Variants in AFF3 observed in about 807,000 individuals in gnomAD.
The protein encoded by AFF3 is ALF transcription elongation factor 3, also known as AF4/FMR2 family member 3.
Under a neutral mutation model 129.7 loss-of-function variants are expected in AFF3, and 32 were observed. That is an observed-to-expected ratio of 0.25 (90% CI 0.19 to 0.33). The LOEUF is 0.33. Among genes scored for constraint, AFF3 ranks in the 10% least tolerant of loss-of-function variants. The probability of loss-of-function intolerance (pLI) is 1.00; values close to 1 mark genes in which losing one functional copy is unlikely to be tolerated. For synonymous variants in AFF3, 644 were observed against 635.4 expected, an observed-to-expected ratio of 1.01 and a Z score of -0.20; for missense variants, 1,373 against 1,592.0, an observed-to-expected ratio of 0.86 and a Z score of 2.34.
At chr2:99,993,011 T>C (rs1210289925) in intron 7 of AFF3, among the ~76,000 whole-genome samples, 1 of 152,218 alleles carries the variant, frequency 6.6e-6, no homozygotes, top group African/African-American at 2.4e-5. Flanking sequence ...CTGTTCCTTC[T>C]TCCTGATGGC....
chr2:100,061,502 T>C (rs1005371495), intron 4 of AFF3, among the ~76,000 whole-genome samples: 1 of 151,990 alleles, frequency 6.6e-6, no homozygotes, highest in Non-Finnish European at 1.5e-5. Flanking sequence ...AAGAGGGAAG[T>C]CCATTCCATT....
chr2:99,665,185 C>T (rs956404554), intron 12 of AFF3, among the ~76,000 whole-genome samples: 7 of 152,168 alleles, frequency 4.6e-5, no homozygotes, highest in East Asian at 1.9e-4. Flanking sequence ...AATTTGATCC[C>T]GGGTGGGATG....
chr2:99,752,207 A>G lies in AFF3; in HGVS notation c.1002+14T>C, dbSNP rs201157880. 1,185 of 1,599,452 alleles carry G rather than the reference A, an allele frequency of 7.4e-4. 4 individuals carry two copies. Among genetic ancestry groups the G allele is most frequent in the South Asian group, 2.9e-3 (267 of 90,780 alleles). On this transcript the variant is annotated intron_variant, in intron 9 of 24. Coordinates refer to ENST00000672756, the MANE Select transcript of AFF3 (RefSeq NM_001386135.1). Reference sequence around the variant, plus strand: ...GAGTGAAACATATTCCTCCTGAGGGATGCAAGATCTCACCTTATTTGGAAA... The same window carrying G: ...GAGTGAAACATATTCCTCCTGAGGGGTGCAAGATCTCACCTTATTTGGAAA...
At chr2:100,024,726 T>C (rs1683899698) in intron 4 of AFF3, among the ~76,000 whole-genome samples, 1 of 152,108 alleles carries the variant, frequency 6.6e-6, no homozygotes, top group Non-Finnish European at 1.5e-5. Context: ...TAGAAGACTG[T>C]AGACATTGCA....
intron 8 of AFF3, among the ~76,000 whole-genome samples, chr2:99,774,918 T>C (rs1464623490): frequency 6.6e-6 from 1 of 151,986 alleles, no homozygotes; most frequent in Non-Finnish European, 1.5e-5. Flanking sequence ...AACCGCTCCA[T>C]GAAAAAGTAG....
At chr2:100,024,241 A>G (rs369834689) in intron 4 of AFF3, among the ~76,000 whole-genome samples, 13,234 of 143,396 alleles carry the variant, frequency 0.092, 644 homozygotes, top group Non-Finnish European at 0.13. Flanking sequence ...CAAAAAAAAA[A>G]AAAAAAAAAA....
intron 18 of AFF3, among the ~76,000 whole-genome samples, chr2:99,577,133 G>A (rs1030136435): frequency 6.6e-6 from 1 of 152,202 alleles, no homozygotes; most frequent in Non-Finnish European, 1.5e-5. Flanking sequence ...AACAAATGTG[G>A]ATTTGGCTTT....
chr2:100,122,068 C>CA (rs1280847349), intron 2 of AFF3, among the ~76,000 whole-genome samples: 2 of 152,068 alleles, frequency 1.3e-5, no homozygotes, highest in Non-Finnish European at 1.5e-5. Context: ...GACTCCGTCT[C>CA]AAAAAAATAA....
chr2:100,028,965 C>A (rs991498808), intron 4 of AFF3, among the ~76,000 whole-genome samples: 1 of 152,086 alleles, frequency 6.6e-6, no homozygotes, highest in Non-Finnish European at 1.5e-5. Flanking sequence ...TATCTACACC[C>A]CCACGTCCAC....
intron 8 of AFF3, among the ~76,000 whole-genome samples, chr2:99,772,030 G>C (rs1210069652): frequency 6.6e-6 from 1 of 152,140 alleles, no homozygotes; most frequent in African/African-American, 2.4e-5. Context: ...ATCGACATGC[G>C]GTATTCCTGC....
In AFF3 at chr2:99,550,792, T is replaced by C. The variant is rs924827301; in HGVS notation, c.*682A>G. ...GAAGGGCTGTGAGTGTCCATCTGTT[T>C]GCCTGGAATGCATTTAGTTGATAAT... On this transcript the variant is annotated 3_prime_UTR_variant, in exon 25 of 25. Transcript: ENST00000672756. The C allele has an allele frequency of 4.3e-6, 1 of 233,966 alleles. No homozygotes were observed. The highest frequency in any genetic ancestry group is 2.2e-5 in the African/African-American group (1 of 45,368). 14.5% of individuals were successfully genotyped at this position (233,966 alleles called of 1,614,324 possible).
intron 4 of AFF3, among the ~76,000 whole-genome samples, chr2:100,083,594 G>A (rs569912394): frequency 1.2e-3 from 188 of 152,252 alleles, no homozygotes; most frequent in Non-Finnish European, 1.7e-3. Context: ...CCACCTCAGC[G>A]CCTGCTCATA....
At chr2:99,878,200 A>T (rs1226687451) in intron 7 of AFF3, among the ~76,000 whole-genome samples, 2 of 152,236 alleles carry the variant, frequency 1.3e-5, no homozygotes, top group Non-Finnish European at 2.9e-5. Flanking sequence ...TCTCTAGGTC[A>T]TCCGTGAGCT....
At chr2:100,114,618 G>T (rs1691657543) in intron 2 of AFF3, among the ~76,000 whole-genome samples, 1 of 152,162 alleles carries the variant, frequency 6.6e-6, no homozygotes, top group Non-Finnish European at 1.5e-5. Flanking sequence ...CTGACCTCAA[G>T]TGATCCACCC....
At chr2:100,037,954 A>G (rs1039920453) in intron 4 of AFF3, among the ~76,000 whole-genome samples, 3 of 150,494 alleles carry the variant, frequency 2.0e-5, no homozygotes, top group Non-Finnish European at 4.4e-5. Context: ...TGTGTTTTTA[A>G]TTTTGTTTTG....
rs189026986 is a variant in AFF3, at chr2:99,578,940, T to A, written c.2794-489A>T. ...TGGGGACCTAGAATCTGCCTTTCCA[T>A]CTGGTTCCCGGTGATGCGGATGCTG... On this transcript the variant is annotated intron_variant, in intron 17 of 24. Transcript: ENST00000672756. 1.6e-3 allele frequency among the ~76,000 whole-genome samples: 238 copies of A among 152,308 alleles called. 1 individual carries two copies. Among genetic ancestry groups the A allele is most frequent in the Non-Finnish European group, 2.6e-3 (178 of 68,036 alleles).
intron 1 of AFF3, among the ~76,000 whole-genome samples, chr2:100,134,567 A>T (rs911458980): frequency 7.9e-5 from 12 of 152,212 alleles, no homozygotes; most frequent in African/African-American, 2.2e-4. Flanking sequence ...ACAAAAAACT[A>T]TCATCCCAAG....
intron 7 of AFF3, among the ~76,000 whole-genome samples, chr2:99,854,276 G>A (rs571908314): frequency 6.6e-6 from 1 of 150,876 alleles, no homozygotes; most frequent in South Asian, 2.1e-4. Flanking sequence ...GAATAGATGA[G>A]CGTTACTGAT....
chr2:100,081,700 T>G (rs974326023), intron 4 of AFF3, among the ~76,000 whole-genome samples: 3 of 152,188 alleles, frequency 2.0e-5, no homozygotes, highest in Non-Finnish European at 4.4e-5. Context: ...CACAGAATCA[T>G]TGGGGGAAAA....
Sources: allele counts gnomAD v4.1 joint callset (sites outside exome capture counted in the v4.1 genomes callset), GRCh38; gene constraint gnomAD v4.1.1; transcripts MANE v1.5; gene names NCBI Gene and HGNC (gene_info 2026-07-23, HGNC 2026-07-21).